ELP1: variants seen among roughly 807,000 people sequenced by gnomAD.
ELP1 encodes the protein elongator acetyltransferase complex subunit 1.
A neutral mutation model predicts 183.2 loss-of-function variants in ELP1; 131 were observed. The ratio of observed to expected loss-of-function variants is 0.72; its 90% CI spans 0.62 to 0.83. ELP1 has a LOEUF of 0.83. Ranked by LOEUF, ELP1 falls within the 40% of genes least tolerant of loss-of-function variation. The probability of loss-of-function intolerance (pLI) is 0.00; values close to 1 mark genes in which losing one functional copy is unlikely to be tolerated. For missense variants in ELP1, 1,550 were observed against 1,594.9 expected (o/e 0.97, Z 0.48); for synonymous variants, 555 against 569.0 (o/e 0.98, Z 0.35).
intron 26 of ELP1, 55 bp downstream of exon 26, chr9:108,893,888 C>A: frequency 6.3e-7 from 1 of 1,591,894 alleles, no homozygotes; most frequent in Non-Finnish European, 8.6e-7. Context: ...TTATACCTTG[C>A]CTAGTTCCAA....
intron 13 of ELP1, 70 bp from the exon 14 acceptor site, chr9:108,906,555 A>G: frequency 2.3e-6 from 3 of 1,326,418 alleles, no homozygotes; most frequent in Non-Finnish European, 3.2e-6. Context: ...TTCCTGGATG[A>G]AGGAAGACTG....
chr9:108,893,736 C>T (rs1828429387), intron 26 of ELP1, among the ~76,000 whole-genome samples: 1 of 152,166 alleles, frequency 6.6e-6, no homozygotes, highest in South Asian at 2.1e-4. Context: ...GACGTTCTTA[C>T]CTAGGGAGCT....
intron 33 of ELP1, among the ~76,000 whole-genome samples, chr9:108,879,006 A>G (rs1391122764): frequency 6.6e-6 from 1 of 152,180 alleles, no homozygotes; most frequent in East Asian, 1.9e-4. Flanking sequence ...CACCTACCAT[A>G]TGAGTGCTGA....
Position 108,869,188 on chromosome 9 carries a change from AG to A in ELP1, c.3932-7del. The A allele has an allele frequency of 6.2e-7, 1 of 1,613,852 alleles. No individual in the cohort carries two copies. The highest frequency in any genetic ancestry group is 8.5e-7 in the Non-Finnish European group (1 of 1,179,712). ...TGGTATAAAAAGCTCAGCATCTAAA[AG>A]CAAGAAAGGAAGGGAAATTGTGACA... is the stretch of plus-strand genomic sequence containing the variant. On this transcript the variant is annotated splice_region_variant and splice_polypyrimidine_tract_variant and intron_variant, in intron 36 of 36. Transcript: ENST00000374647.
chr9:108,868,124 G>A lies in ELP1; in HGVS notation c.*991C>T, dbSNP rs749719194. On this transcript the variant is annotated 3_prime_UTR_variant, in exon 37 of 37. Transcript: ENST00000374647. ...CCTTTGAAAGCTGGTTGTTGTTATAGAGACACAAATGGGCTAAGATACACA... is the reference window on the plus strand; with the variant it reads ...CCTTTGAAAGCTGGTTGTTGTTATAAAGACACAAATGGGCTAAGATACACA... The A allele has an allele frequency of 6.6e-6, 1 of 152,160 alleles. No homozygotes were observed. Among genetic ancestry groups the A allele is most frequent in the Non-Finnish European group, 1.5e-5 (1 of 68,028 alleles). The allele number at this position is 152,160 out of a possible 1,614,324, so 9.4% of individuals were successfully genotyped here.
Position 108,891,534 on chromosome 9 carries a change from G to C in ELP1, c.2959-130C>G, listed in dbSNP as rs1828337120. 9.8e-6 allele frequency: 8 copies of C among 814,680 alleles called. No individual in the cohort carries two copies. In the South Asian group the frequency reaches 1.0e-4, roughly 10 times the overall value. The allele number at this position is 814,680 out of a possible 1,614,324, so 50.5% of individuals were successfully genotyped here. A position where few individuals can be genotyped will look rare whatever the true frequency, so the allele number is the denominator to read the frequency against. On this transcript the variant is annotated intron_variant, in intron 27 of 36. Transcript: ENST00000374647. ...AATTACCTGGGAAAATCTTACAGTTGATCAGTTAGTACAGTCATTTTTTCA... is the reference window on the plus strand; with the variant it reads ...AATTACCTGGGAAAATCTTACAGTTCATCAGTTAGTACAGTCATTTTTTCA...
At chr9:108,872,727 C>G (rs975815402) in intron 36 of ELP1, among the ~76,000 whole-genome samples, 1 of 137,500 alleles carries the variant, frequency 7.3e-6, no homozygotes, top group Non-Finnish European at 1.5e-5. Flanking sequence ...ATGGCGTGAA[C>G]CCGGGAGGCG....
At chr9:108,908,532 C>T (rs1371574327) in intron 12 of ELP1, 128 bp from the exon 13 acceptor site, 3 of 732,418 alleles carry the variant, frequency 4.1e-6, no homozygotes, top group Non-Finnish European at 4.8e-6. Flanking sequence ...CACATCTCAA[C>T]CTCCTTAAAA....
chr9:108,879,727 T>C (rs886383201), intron 32 of ELP1, among the ~76,000 whole-genome samples, 170 bp from the exon 33 acceptor site: 4 of 152,232 alleles, frequency 2.6e-5, no homozygotes, highest in Admixed American at 1.3e-4. Context: ...ATACAGTAAT[T>C]ACTAATGTAA....
chr9:108,907,659 G>C (rs1829068605), intron 13 of ELP1, among the ~76,000 whole-genome samples: 1 of 152,168 alleles, frequency 6.6e-6, no homozygotes, highest in Middle Eastern at 3.4e-3. Flanking sequence ...CTAGTTACCA[G>C]GTCCATGACC....
intron 27 of ELP1, 88 bp downstream of exon 27, chr9:108,892,898 G>T: frequency 2.3e-6 from 2 of 883,402 alleles, no homozygotes; most frequent in Non-Finnish European, 3.9e-6. Flanking sequence ...TGAAGCCAAG[G>T]ATGGTGTTAT....
rs1313636844 is a variant in ELP1, at chr9:108,880,122, T to C, written c.3390A>G (p.Thr1130=). 6.2e-7 allele frequency: 1 copy of C among 1,614,122 alleles called. No homozygotes were observed. The highest frequency in any genetic ancestry group is 1.7e-5 in the Admixed American group (1 of 60,026). Residue 1130 remains threonine (T), a synonymous_variant, in exon 32 of 37, where the codon ACA becomes ACG. Coordinates refer to ENST00000374647, the MANE Select transcript of ELP1 (RefSeq NM_003640.5). ...ATAAACGTTTCTTGTGGCGACTGAATGTGGCTGTCTGAGAGTCCAGAAATG... is the reference window on the plus strand; with the variant it reads ...ATAAACGTTTCTTGTGGCGACTGAACGTGGCTGTCTGAGAGTCCAGAAATG... ...YMAFLDSQTA[T]FSRHKKRLLV...
intron 5 of ELP1, among the ~76,000 whole-genome samples, chr9:108,925,651 C>T (rs927527086): frequency 6.6e-6 from 1 of 152,182 alleles, no homozygotes; most frequent in Non-Finnish European, 1.5e-5. Flanking sequence ...TCGTTTCCTT[C>T]CCTTATGCTA....
intron 25 of ELP1, among the ~76,000 whole-genome samples, chr9:108,895,064 T>C (rs1828487785): frequency 6.6e-6 from 1 of 152,048 alleles, no homozygotes; most frequent in African/African-American, 2.4e-5. Context: ...CTGGGCAACA[T>C]GGCGAAACCC....
In ELP1 at chr9:108,901,539, G is replaced by A. The variant is rs2131992144; in HGVS notation, c.1909-9C>T. The A allele has an allele frequency of 6.2e-7, 1 of 1,612,908 alleles. No homozygotes were observed. ...GTGATATTTGACGCAACCTGCAAGA[G>A]AAGGCCAGAGAGGCATGGGTGAAAG... On this transcript the variant is annotated splice_polypyrimidine_tract_variant and intron_variant, in intron 17 of 36. Coordinates refer to ENST00000374647, the MANE Select transcript of ELP1 (RefSeq NM_003640.5).
At chr9:108,873,442 C>T (rs1449496262) in intron 36 of ELP1, among the ~76,000 whole-genome samples, 1 of 152,206 alleles carries the variant, frequency 6.6e-6, no homozygotes, top group Non-Finnish European at 1.5e-5. Flanking sequence ...TTTTCCTATA[C>T]ATCCTTGAAA....
At chr9:108,891,700 A>G (rs936606000) in intron 27 of ELP1, among the ~76,000 whole-genome samples, 9 of 152,198 alleles carry the variant, frequency 5.9e-5, no homozygotes, top group Admixed American at 6.5e-5. Flanking sequence ...TATAAGAACC[A>G]CCACCAAGTT....
At chr9:108,926,279 A>T (rs1829821518) in intron 5 of ELP1, among the ~76,000 whole-genome samples, 2 of 152,190 alleles carry the variant, frequency 1.3e-5, no homozygotes, top group African/African-American at 4.8e-5. Flanking sequence ...AGCCCAGCCT[A>T]AGACTTTCCT....
intron 23 of ELP1, 35 bp from the exon 24 acceptor site, chr9:108,897,073 AG>A: frequency 6.2e-7 from 1 of 1,613,410 alleles, no homozygotes. Context: ...AGAATGAGAA[AG>A]GTAAGTAGGC....
Sources: gnomAD v4.1 joint callset for allele counts (sites outside exome capture counted in the v4.1 genomes callset) on GRCh38, gnomAD v4.1.1 for gene constraint, MANE v1.5 for transcripts, NCBI Gene and HGNC (gene_info 2026-07-23, HGNC 2026-07-21) for gene names.